Variants in NARS2 observed in about 807,000 individuals in gnomAD.
NARS2 encodes the protein asparaginyl-tRNA synthetase.
NARS2 carries 60 observed loss-of-function variants against 62.9 expected under a neutral mutation model. The ratio of observed to expected loss-of-function variants is 0.95; its 90% CI spans 0.77 to 1.18. The LOEUF (loss-of-function observed/expected upper bound fraction) is 1.18. NARS2 is among the 50% of genes most tolerant of loss of function. The probability of loss-of-function intolerance (pLI) is 0.00; values close to 1 mark genes in which losing one functional copy is unlikely to be tolerated. For synonymous variants in NARS2, 196 were observed against 200.0 expected (o/e 0.98, Z 0.17); for missense variants, 619 against 576.4 (o/e 1.07, Z -0.76).
intron 10 of NARS2, among the ~76,000 whole-genome samples, chr11:78,467,708 T>G (rs1565217334): frequency 6.6e-6 from 1 of 152,150 alleles, no homozygotes; most frequent in African/African-American, 2.4e-5. Flanking sequence ...CTTTCAGTTA[T>G]AAGATGAACA....
intron 10 of NARS2, among the ~76,000 whole-genome samples, chr11:78,468,662 C>A (rs1416862735): frequency 6.6e-6 from 1 of 152,038 alleles, no homozygotes; most frequent in Non-Finnish European, 1.5e-5. Flanking sequence ...CCTCAGCCTC[C>A]CAAAGTACTG....
chr11:78,441,878 G>A (rs1857586910), intron 12 of NARS2, among the ~76,000 whole-genome samples: 1 of 152,078 alleles, frequency 6.6e-6, no homozygotes, highest in South Asian at 2.1e-4. Flanking sequence ...TCTTGTTTGA[G>A]AACTATTAAT....
chr11:78,528,122 G>A (rs1226858820), intron 6 of NARS2, among the ~76,000 whole-genome samples: 2 of 152,094 alleles, frequency 1.3e-5, no homozygotes, highest in African/African-American at 4.8e-5. Context: ...TGTAGTCCCA[G>A]CTACTCAGAA....
At chr11:78,552,327 TC>T (rs1856158261) in intron 5 of NARS2, among the ~76,000 whole-genome samples, 2 of 152,218 alleles carry the variant, frequency 1.3e-5, no homozygotes, top group Non-Finnish European at 2.9e-5. Flanking sequence ...ATGATCTCAT[TC>T]CTTTTTATGG....
At chr11:78,562,680 C>A (rs1337432258) in intron 4 of NARS2, among the ~76,000 whole-genome samples, 1 of 152,180 alleles carries the variant, frequency 6.6e-6, no homozygotes, top group African/African-American at 2.4e-5. Flanking sequence ...AGAAACTTGG[C>A]TTTACTGAAT....
chr11:78,480,619 T>TAAAAAA (rs10623671), intron 7 of NARS2, among the ~76,000 whole-genome samples: 4 of 124,852 alleles, frequency 3.2e-5, no homozygotes, highest in African/African-American at 8.2e-5. Context: ...TCTAATTAAG[T>TAAAAAA]AAAAAAAAAA....
rs559092266 is a variant in NARS2 at position 78,565,977 on chromosome 11, T to C, written c.513+155A>G. Among the ~76,000 whole-genome samples, 10 of 152,300 alleles carry C rather than the reference T, an allele frequency of 6.6e-5. No homozygotes were observed. The East Asian group carries it at 1.7e-3, about 26-fold the overall frequency. On this transcript the variant is annotated intron_variant, in intron 4 of 13. Coordinates refer to ENST00000281038, the MANE Select transcript of NARS2 (RefSeq NM_024678.6). ...ATGTCTGGCACCCAAAGCTAGGTCA[T>C]GTAGAGTCAAGAAACCATAACCCAT...
intron 6 of NARS2, among the ~76,000 whole-genome samples, chr11:78,501,085 C>T (rs1006679067): frequency 6.6e-6 from 1 of 152,150 alleles, no homozygotes; most frequent in Non-Finnish European, 1.5e-5. Flanking sequence ...GAGTGAGACC[C>T]TGTCTCAAAC....
intron 7 of NARS2, among the ~76,000 whole-genome samples, chr11:78,491,000 CT>C (rs1859795753): frequency 6.6e-6 from 1 of 152,120 alleles, no homozygotes; most frequent in South Asian, 2.1e-4. Flanking sequence ...TAAACGATAT[CT>C]TGCAACCCTG....
rs1273142978 is a variant in NARS2 at position 78,545,524 on chromosome 11, C to CA, written c.594+14014_594+14015insT. On this transcript the variant is annotated intron_variant, in intron 5 of 13. Coordinates refer to ENST00000281038, the MANE Select transcript of NARS2 (RefSeq NM_024678.6). Reference sequence around the variant, plus strand: ...TCCCATATGTCCGTCATGCTTTTTCCTTTTTTTTTTTTTTTTTTGAGACAG... The same window carrying CA: ...TCCCATATGTCCGTCATGCTTTTTCCATTTTTTTTTTTTTTTTTTGAGACAG... Among the ~76,000 whole-genome samples the CA allele has an allele frequency of 6.5e-3, 874 of 134,858 alleles. 6 individuals are homozygous for CA. The highest frequency in any genetic ancestry group is 0.023 in the African/African-American group (816 of 35,314). The allele number at this position is 134,858 out of a possible 152,430, so 88.5% of individuals were successfully genotyped here. A position where few individuals can be genotyped will look rare whatever the true frequency, so the allele number is the denominator to read the frequency against.
At chr11:78,510,457 AC>A (rs1355636298) in intron 6 of NARS2, among the ~76,000 whole-genome samples, 1 of 152,200 alleles carries the variant, frequency 6.6e-6, no homozygotes, top group East Asian at 1.9e-4. Context: ...CTAATGATGG[AC>A]CATCAAATAT....
intron 5 of NARS2, among the ~76,000 whole-genome samples, chr11:78,538,994 C>CAAAAAAAAAAAAAAAAAAAAA (rs59917269): frequency 2.0e-5 from 1 of 49,794 alleles, no homozygotes; most frequent in African/African-American, 9.0e-5. Flanking sequence ...GAATCCGTCT[C>CAAAAAAAAAAAAAAAAAAAAA]AAAAAAAAAA....
chr11:78,479,730 A>G (rs1859267080), intron 7 of NARS2, among the ~76,000 whole-genome samples: 1 of 152,240 alleles, frequency 6.6e-6, no homozygotes, highest in Admixed American at 6.5e-5. Context: ...GCTGCCTTAA[A>G]GGCAGGTATC....
At chr11:78,454,373 C>T (rs1858077921) in intron 11 of NARS2, among the ~76,000 whole-genome samples, 1 of 152,086 alleles carries the variant, frequency 6.6e-6, no homozygotes, top group African/African-American at 2.4e-5. Flanking sequence ...TGTGCCATTC[C>T]GATGGTAATG....
intron 6 of NARS2, among the ~76,000 whole-genome samples, chr11:78,506,348 CAT>C (rs1461603690): frequency 5.9e-5 from 9 of 152,306 alleles, no homozygotes; most frequent in African/African-American, 2.2e-4. Context: ...GAAATAAAAA[CAT>C]ATGTCCACAC....
chr11:78,549,879 T>G (rs919485008), intron 5 of NARS2, among the ~76,000 whole-genome samples: 6 of 152,108 alleles, frequency 3.9e-5, no homozygotes, highest in African/African-American at 1.4e-4. Flanking sequence ...GGGGCAAGAC[T>G]TGTATCTAGA....
At chr11:78,568,511 T>A in intron 3 of NARS2, 121 bp downstream of exon 3, 1 of 1,263,676 alleles carries the variant, frequency 7.9e-7, no homozygotes. Flanking sequence ...ATGGCTTGTT[T>A]CAATTATCTG....
rs745859472 is a variant in NARS2, at chr11:78,465,869, T to C, written c.1164+7A>G. On this transcript the variant is annotated splice_region_variant and intron_variant, in intron 11 of 13. Transcript: ENST00000281038. ...CTAACCCCAATTTATTTAGTATCTC[T>C]TCTTACCGTGTGCTGAGGGCCATCT... is the stretch of plus-strand genomic sequence containing the variant. The C allele has an allele frequency of 6.2e-7, 1 of 1,614,036 alleles. No homozygotes were observed. Among genetic ancestry groups the C allele is most frequent in the Non-Finnish European group, 8.5e-7 (1 of 1,179,992 alleles).
At chr11:78,543,818 G>T (rs1029123196) in intron 5 of NARS2, among the ~76,000 whole-genome samples, 1 of 152,012 alleles carries the variant, frequency 6.6e-6, no homozygotes, top group Non-Finnish European at 1.5e-5. Flanking sequence ...AGACCACGAG[G>T]TCAAGAGATT....
Sources: allele counts gnomAD v4.1 joint callset (sites outside exome capture counted in the v4.1 genomes callset), GRCh38; gene constraint gnomAD v4.1.1; transcripts MANE v1.5; gene names NCBI Gene and HGNC (gene_info 2026-07-23, HGNC 2026-07-21).